The following TRMT9B variants were observed in gnomAD, a reference collection of about 807,000 sequenced individuals.
The protein encoded by TRMT9B is tRNA methyltransferase 9B (putative), also known as probable tRNA methyltransferase 9B.
A neutral mutation model predicts 11.5 loss-of-function variants in TRMT9B; 16 were observed. That is an observed-to-expected ratio of 1.39 (90% CI 0.94 to 2.11). The LOEUF is 2.11. TRMT9B is among the 30% of genes most tolerant of loss of function. The pLI is 0.00. For missense variants in TRMT9B, 941 were observed against 553.8 expected (o/e 1.70, Z -7.02); for synonymous variants, 274 against 192.4 (o/e 1.42, Z -3.51).
intron 3 of TRMT9B, chr8:13,010,809 C>G: frequency 1.0e-6 from 1 of 982,922 alleles, no homozygotes; most frequent in Non-Finnish European, 1.2e-6. Context: ...TTGAAATACA[C>G]AGGATTTTAA....
At chr8:13,008,824 G>A (rs1158713640) in intron 3 of TRMT9B, among the ~76,000 whole-genome samples, 7 of 152,128 alleles carry the variant, frequency 4.6e-5, no homozygotes, top group South Asian at 2.1e-4. Flanking sequence ...CGCCTCCCGG[G>A]TTCACGCCAT....
At chr8:13,001,379 G>C (rs892409170) in intron 2 of TRMT9B, among the ~76,000 whole-genome samples, 1 of 152,186 alleles carries the variant, frequency 6.6e-6, no homozygotes, top group Non-Finnish European at 1.5e-5. Context: ...CTCTTGGATC[G>C]ACAGTGATGA....
At chr8:13,008,844 T>C (rs959970685) in intron 3 of TRMT9B, among the ~76,000 whole-genome samples, 5 of 152,146 alleles carry the variant, frequency 3.3e-5, no homozygotes, top group African/African-American at 9.7e-5. Flanking sequence ...TTCTCCTGCC[T>C]CAGCCTCCCT....
At chr8:13,010,175 A>G (rs1811332557) in intron 3 of TRMT9B, 3 of 819,634 alleles carry the variant, frequency 3.7e-6, no homozygotes, top group East Asian at 1.2e-4. Flanking sequence ...ATATTCTTTA[A>G]ATACCTCTGT....
intron 1 of TRMT9B, chr8:12,961,763 CA>C (rs1351170763): frequency 6.6e-6 from 1 of 150,538 alleles, no homozygotes; most frequent in East Asian, 1.9e-4. Flanking sequence ...GATGGCAGGT[CA>C]AATGGTAGGC....
At chr8:12,992,189 G>A (rs1807470077) in intron 2 of TRMT9B, among the ~76,000 whole-genome samples, 1 of 152,108 alleles carries the variant, frequency 6.6e-6, no homozygotes, top group Non-Finnish European at 1.5e-5. Flanking sequence ...CACTATCCTA[G>A]GCTCTATGAT....
At chr8:12,959,979 C>G (rs1041140791) in intron 1 of TRMT9B, 2 of 152,208 alleles carry the variant, frequency 1.3e-5, no homozygotes, top group African/African-American at 4.8e-5. Context: ...CACCTGAATG[C>G]CAGTGTCAAG....
At chr8:13,004,145 C>A (rs1809981530) in intron 2 of TRMT9B, among the ~76,000 whole-genome samples, 1 of 151,982 alleles carries the variant, frequency 6.6e-6, no homozygotes, top group Non-Finnish European at 1.5e-5. Context: ...TTGCTGGTCC[C>A]AGCAGTCTGA....
rs757276531 is a variant in TRMT9B at position 13,021,376 on chromosome 8, G to C, written c.697G>C (p.Gly233Arg). ...CTGTTTTGCAAATATTTCTAAGGAA[G>C]GCGAGGAAGAATATGGATTTTACAG... ...RTCFANISKE[G>R]EEEYGFYSTL... Residue 233 changes from glycine to arginine, a missense_variant, in exon 5 of 5, where the codon GGC becomes CGC. Gly to Arg is a moderately radical substitution (Grantham distance 125). Coordinates refer to ENST00000524591, the MANE Select transcript of TRMT9B (RefSeq NM_020844.3). The C allele has an allele frequency of 9.3e-6, 15 of 1,614,066 alleles. No individual in the cohort carries two copies. Among genetic ancestry groups the C allele is most frequent in the Non-Finnish European group, 1.3e-5 (15 of 1,179,906 alleles).
chr8:12,980,482 G>A (rs929668856), intron 1 of TRMT9B, among the ~76,000 whole-genome samples: 9 of 152,270 alleles, frequency 5.9e-5, no homozygotes, highest in South Asian at 2.1e-4. Context: ...ACCATCTCAC[G>A]GGACGGGGAG....
chr8:13,002,658 G>T (rs1287330864), intron 2 of TRMT9B, among the ~76,000 whole-genome samples: 1 of 152,152 alleles, frequency 6.6e-6, no homozygotes, highest in African/African-American at 2.4e-5. Context: ...GAAACGGAAG[G>T]AATGATGGAA....
Position 13,021,371 on chromosome 8 carries a change from A to G in TRMT9B, c.692A>G (p.Lys231Arg). 6.2e-7 allele frequency: 1 copy of G among 1,614,086 alleles called. No homozygotes were observed. The change falls in exon 5 of 5, where the codon AAG (lysine) becomes AGG (arginine). Residue 231 changes from lysine (K) to arginine (R), a missense_variant. By Grantham distance (26) the Lys-to-Arg change is conservative. Coordinates refer to ENST00000524591, the MANE Select transcript of TRMT9B (RefSeq NM_020844.3). The part of the protein sequence containing the change: ...MARTCFANIS[K>R]EGEEEYGFYS... ...AGAACCTGTTTTGCAAATATTTCTA[A>G]GGAAGGCGAGGAAGAATATGGATTT...
chr8:12,987,956 T>G lies in TRMT9B; in HGVS notation c.-199-2878T>G, dbSNP rs75433185. Among the ~76,000 whole-genome samples, 185 of 152,278 alleles carry G rather than the reference T, an allele frequency of 1.2e-3. 2 individuals are homozygous for G. The highest frequency in any genetic ancestry group is 4.4e-3 in the African/African-American group (184 of 41,558). ...TGGAAAAAAGATCACAATTCAAAAT[T>G]CAAAGCACAATTATTACTGAATGTA... is the stretch of plus-strand genomic sequence containing the variant. On this transcript the variant is annotated intron_variant, in intron 1 of 4. Transcript: ENST00000524591.
intron 3 of TRMT9B, chr8:13,010,195 C>T (rs1291956383): frequency 7.1e-6 from 6 of 840,876 alleles, no homozygotes; most frequent in African/African-American, 1.9e-5. Context: ...TGCAAATCAA[C>T]AACTACATCT....
At chr8:12,996,017 A>C (rs1444445110) in intron 2 of TRMT9B, among the ~76,000 whole-genome samples, 1 of 152,208 alleles carries the variant, frequency 6.6e-6, no homozygotes, top group Non-Finnish European at 1.5e-5. Flanking sequence ...AGTAACCATG[A>C]AACAGCAAGA....
chr8:12,964,268 A>T (rs1290559624), intron 1 of TRMT9B, among the ~76,000 whole-genome samples: 1 of 152,234 alleles, frequency 6.6e-6, no homozygotes, highest in Admixed American at 6.5e-5. Flanking sequence ...TACATCCTAC[A>T]GTTGATAACA....
intron 2 of TRMT9B, among the ~76,000 whole-genome samples, chr8:13,000,973 C>T (rs1809326379): frequency 6.6e-6 from 1 of 151,988 alleles, no homozygotes; most frequent in Admixed American, 6.6e-5. Context: ...GATGAGTGAC[C>T]CTGAGCCCCT....
chr8:12,998,964 C>G (rs546838268), intron 2 of TRMT9B, among the ~76,000 whole-genome samples: 1 of 152,254 alleles, frequency 6.6e-6, no homozygotes, highest in African/African-American at 2.4e-5. Context: ...TAATGTCCAC[C>G]TCTCTATCCC....
intron 1 of TRMT9B, among the ~76,000 whole-genome samples, chr8:12,947,978 A>C (rs1200143454): frequency 1.3e-5 from 2 of 152,236 alleles, no homozygotes; most frequent in East Asian, 1.9e-4. Context: ...GGTGTGTGCC[A>C]GACCCAGGGA....
Sources: gnomAD v4.1 joint callset for allele counts (sites outside exome capture counted in the v4.1 genomes callset) on GRCh38, gnomAD v4.1.1 for gene constraint, MANE v1.5 for transcripts, NCBI Gene and HGNC (gene_info 2026-07-23, HGNC 2026-07-21) for gene names.